Variants in EML4 observed in about 807,000 individuals in gnomAD.
The protein encoded by EML4 is echinoderm microtubule-associated protein-like 4.
EML4 carries 72 observed loss-of-function variants against 129.0 expected under a neutral mutation model. That is an observed-to-expected ratio of 0.56 (90% CI 0.46 to 0.68). EML4 has a LOEUF of 0.68. Among genes scored for constraint, EML4 ranks in the 30% least tolerant of loss-of-function variants. The pLI is 0.00. For missense variants in EML4, 1,363 were observed against 1,190.6 expected, an observed-to-expected ratio of 1.14 and a Z score of -2.13; for synonymous variants, 532 against 405.0, an observed-to-expected ratio of 1.31 and a Z score of -3.77.
At chr2:42,173,799 G>C (rs749615371) in intron 1 of EML4, among the ~76,000 whole-genome samples, 1 of 152,144 alleles carries the variant, frequency 6.6e-6, no homozygotes. Flanking sequence ...AGCTATGATT[G>C]TACCACTGCA....
At chr2:42,329,638 G>A in intron 22 of EML4, 96 bp from the exon 23 acceptor site, 1 of 965,736 alleles carries the variant, frequency 1.0e-6, no homozygotes, top group South Asian at 1.5e-5. Flanking sequence ...CATTTCACAA[G>A]CTGAGTTTAC....
intron 1 of EML4, among the ~76,000 whole-genome samples, chr2:42,181,093 G>C (rs577910242): frequency 2.0e-5 from 3 of 152,272 alleles, no homozygotes; most frequent in African/African-American, 7.2e-5. Flanking sequence ...TGTCCATTCT[G>C]ATCACTTGGT....
chr2:42,314,248 A>T (rs1033052827), intron 17 of EML4, among the ~76,000 whole-genome samples: 3 of 151,740 alleles, frequency 2.0e-5, no homozygotes, highest in Non-Finnish European at 4.4e-5. Context: ...AATCCCAGCT[A>T]CTCGAGAGAC....
rs1037025803 is a variant in EML4 at position 42,191,493 on chromosome 2, A to G, written c.25+21857A>G. Among the ~76,000 whole-genome samples the G allele has an allele frequency of 1.8e-4, 27 of 152,132 alleles. 1 individual carries two copies. The highest frequency in any genetic ancestry group is 1.7e-3 in the Admixed American group (26 of 15,264). ...CATTATGTGTTGAAAGGGCAGGGTC[A>G]TGTAGGAAGATAAGAGTTCTCATTT... On this transcript the variant is annotated intron_variant, in intron 1 of 22. Coordinates refer to ENST00000318522, the MANE Select transcript of EML4 (RefSeq NM_019063.5).
At chr2:42,188,278 A>T (rs1671379456) in intron 1 of EML4, among the ~76,000 whole-genome samples, 1 of 152,216 alleles carries the variant, frequency 6.6e-6, no homozygotes, top group Non-Finnish European at 1.5e-5. Flanking sequence ...TTGAAAAATA[A>T]TGTAGAGGAA....
intron 1 of EML4, among the ~76,000 whole-genome samples, chr2:42,233,745 A>G (rs1382975931): frequency 1.3e-5 from 2 of 152,212 alleles, no homozygotes; most frequent in African/African-American, 4.8e-5. Flanking sequence ...TAATATCTTA[A>G]TATTTTGGTT....
In EML4 at chr2:42,312,297, C is replaced by T. The variant is rs960783208; in HGVS notation, c.1968-3665C>T. Among the ~76,000 whole-genome samples, 7 of 151,762 alleles carry T rather than the reference C, an allele frequency of 4.6e-5. No individual in the cohort carries two copies. In the South Asian group the frequency reaches 1.5e-3, roughly 32 times the overall value. On this transcript the variant is annotated intron_variant, in intron 17 of 22. Transcript: ENST00000318522. ...CCACCATCGTCCCTGCCAGGGCATT[C>T]CAAAATTAACCTGAAAAACTGGTTC...
chr2:42,219,476 C>A (rs566061246), intron 1 of EML4, among the ~76,000 whole-genome samples: 2 of 152,282 alleles, frequency 1.3e-5, no homozygotes, highest in South Asian at 4.1e-4. Flanking sequence ...TTCTGTAAAT[C>A]TTAAGCTTGC....
intron 1 of EML4, among the ~76,000 whole-genome samples, chr2:42,193,167 C>G (rs1671700147): frequency 6.6e-6 from 1 of 152,140 alleles, no homozygotes; most frequent in South Asian, 2.1e-4. Flanking sequence ...TTACCATTGC[C>G]TACAGTATTC....
intron 1 of EML4, among the ~76,000 whole-genome samples, chr2:42,181,990 G>A (rs149086705): frequency 4.5e-4 from 69 of 152,236 alleles, no homozygotes; most frequent in Middle Eastern, 3.4e-3. Flanking sequence ...TTACAACAGC[G>A]TAGGGTTAAT....
At chr2:42,294,717 C>T (rs892676903) in intron 11 of EML4, among the ~76,000 whole-genome samples, 4 of 151,726 alleles carry the variant, frequency 2.6e-5, no homozygotes, top group South Asian at 4.2e-4. Context: ...AAAATTGTTG[C>T]GTGAATGAAT....
At chr2:42,319,554 A>C (rs927048492) in intron 19 of EML4, 1 of 152,110 alleles carries the variant, frequency 6.6e-6, no homozygotes, top group Non-Finnish European at 1.5e-5. Flanking sequence ...CTTGCTGCCT[A>C]TTTCCACCGG....
intron 10 of EML4, 91 bp downstream of exon 10, chr2:42,286,470 G>A: frequency 1.3e-6 from 1 of 775,218 alleles, no homozygotes; most frequent in East Asian, 2.4e-5. Flanking sequence ...GCCATGAAGT[G>A]ATAATCCTGA....
intron 6 of EML4, among the ~76,000 whole-genome samples, chr2:42,279,668 G>T (rs2104455414): frequency 6.6e-6 from 1 of 151,908 alleles, no homozygotes; most frequent in African/African-American, 2.4e-5. Context: ...TAGAGACGGG[G>T]TTTCACCGTG....
intron 1 of EML4, among the ~76,000 whole-genome samples, chr2:42,231,172 C>T (rs1346908797): frequency 6.6e-6 from 1 of 152,244 alleles, no homozygotes; most frequent in Non-Finnish European, 1.5e-5. Context: ...TTCCTTAATA[C>T]TGGCCAAATC....
chr2:42,332,389 GT>G lies in EML4; in HGVS notation c.*2184del, dbSNP rs1443709524. On this transcript the variant is annotated 3_prime_UTR_variant, in exon 23 of 23. Transcript: ENST00000318522. ...GTGATAATGGTTGGAAGTGGGTGGG[GT>G]TATGAAATTGTAGATGTTTTTAGAA... 4.8e-6 allele frequency: 1 copy of G among 209,204 alleles called. No individual in the cohort carries two copies. Among genetic ancestry groups the G allele is most frequent in the Non-Finnish European group, 9.7e-6 (1 of 102,594 alleles). The allele number at this position is 209,204 out of a possible 1,614,324, so 13.0% of individuals were successfully genotyped here.
At chr2:42,284,599 C>G (rs565195860) in intron 8 of EML4, 35 bp from the exon 9 acceptor site, 11 of 1,497,486 alleles carry the variant, frequency 7.3e-6, no homozygotes, top group Middle Eastern at 3.4e-4. Context: ...TTCATGTTTC[C>G]TGTGTTTAAA....
intron 1 of EML4, among the ~76,000 whole-genome samples, chr2:42,241,459 A>G (rs1339275445): frequency 6.6e-6 from 1 of 152,190 alleles, no homozygotes; most frequent in Non-Finnish European, 1.5e-5. Flanking sequence ...TAGGAGACAT[A>G]CTTGTTCTGG....
intron 3 of EML4, among the ~76,000 whole-genome samples, chr2:42,259,722 CTTTTTTTT>C (rs780243101): frequency 6.1e-5 from 6 of 98,316 alleles, no homozygotes; most frequent in East Asian, 2.5e-4. Context: ...TTCTTTCTTT[CTTTTTTTT>C]TTTTTTTTTT....
Sources: allele counts gnomAD v4.1 joint callset (sites outside exome capture counted in the v4.1 genomes callset), GRCh38; gene constraint gnomAD v4.1.1; transcripts MANE v1.5; gene names NCBI Gene and HGNC (gene_info 2026-07-23, HGNC 2026-07-21).